Variants in ZC3H8 observed in about 807,000 individuals in gnomAD.
ZC3H8 encodes the protein zinc finger CCCH domain-containing protein 8.
In ZC3H8, 27 loss-of-function variants were observed where a neutral mutation model predicts 42.5. The observed-to-expected ratio is 0.64, with a 90% confidence interval of 0.47 to 0.88. The LOEUF is 0.88. Ranked by LOEUF, ZC3H8 falls within the 40% of genes least tolerant of loss-of-function variation. The pLI, the probability that ZC3H8 is intolerant of heterozygous loss-of-function variation, is 0.00. For synonymous variants in ZC3H8, 101 were observed against 110.1 expected, an observed-to-expected ratio of 0.92 and a Z score of 0.52; for missense variants, 277 against 336.1, an observed-to-expected ratio of 0.82 and a Z score of 1.37.
intron 2 of ZC3H8, among the ~76,000 whole-genome samples, chr2:112,243,582 G>C (rs915161926): frequency 6.9e-6 from 1 of 144,972 alleles, no homozygotes; most frequent in Non-Finnish European, 1.5e-5. Flanking sequence ...ACCTCACAAA[G>C]AAGAATCCCA....
intron 8 of ZC3H8, among the ~76,000 whole-genome samples, chr2:112,216,911 G>T (rs1684351962): frequency 6.6e-6 from 1 of 152,064 alleles, no homozygotes. Context: ...AAGAAACACA[G>T]TAACAATAAA....
chr2:112,236,442 C>T (rs1573910010), intron 4 of ZC3H8, 120 bp downstream of exon 4: 2 of 1,372,308 alleles, frequency 1.5e-6, no homozygotes, highest in African/African-American at 1.5e-5. Flanking sequence ...CATCCGAAAA[C>T]CGATTCTGTG....
At chr2:112,245,568 C>T (rs536265638) in intron 2 of ZC3H8, among the ~76,000 whole-genome samples, 1 of 152,170 alleles carries the variant, frequency 6.6e-6, no homozygotes, top group Non-Finnish European at 1.5e-5. Context: ...GCAGGAGAAT[C>T]GCTTGAACCC....
chr2:112,245,368 G>T (rs913448672), intron 2 of ZC3H8, among the ~76,000 whole-genome samples: 1 of 152,164 alleles, frequency 6.6e-6, no homozygotes, highest in African/African-American at 2.4e-5. Context: ...AAAAGTGCAT[G>T]ACAGGCCAGG....
chr2:112,248,750 A>T (rs1685845413), intron 2 of ZC3H8, among the ~76,000 whole-genome samples: 1 of 152,126 alleles, frequency 6.6e-6, no homozygotes, highest in African/African-American at 2.4e-5. Context: ...TTATGGGTTG[A>T]ACTGCACCCT....
At chr2:112,234,304 A>G in intron 4 of ZC3H8, 68 bp from the exon 5 acceptor site, 1 of 1,249,982 alleles carries the variant, frequency 8.0e-7, no homozygotes, top group Non-Finnish European at 1.1e-6. Context: ...TCTGTTGCAC[A>G]AAATTATTTA....
At chr2:112,232,357 T>C (rs1685134492) in intron 6 of ZC3H8, among the ~76,000 whole-genome samples, 2 of 149,448 alleles carry the variant, frequency 1.3e-5, no homozygotes, top group African/African-American at 4.9e-5. Flanking sequence ...TAGCAGAAAC[T>C]GGATTTCTCT....
At chr2:112,248,553 T>C (rs1435358402) in intron 2 of ZC3H8, among the ~76,000 whole-genome samples, 1 of 151,996 alleles carries the variant, frequency 6.6e-6, no homozygotes, top group Non-Finnish European at 1.5e-5. Flanking sequence ...TGCAATGGCA[T>C]GATATCGGCT....
chr2:112,252,529 C>G (rs1685986193), intron 1 of ZC3H8, among the ~76,000 whole-genome samples: 1 of 152,232 alleles, frequency 6.6e-6, no homozygotes, highest in Admixed American at 6.5e-5. Flanking sequence ...GAAAAACCCT[C>G]CAATGGTCTC....
Position 112,215,722 on chromosome 2 carries a change from T to G in ZC3H8, c.*762A>C, listed in dbSNP as rs1410771498. On this transcript the variant is annotated 3_prime_UTR_variant, in exon 9 of 9. Transcript: ENST00000409573. ...ATTATTTGTACTTGGAACATTAGTA[T>G]TTGAATCTTGTGTTAATGATACCAT... The G allele has an allele frequency of 6.6e-6, 1 of 152,166 alleles. No homozygotes were observed. Among genetic ancestry groups the G allele is most frequent in the African/African-American group, 2.4e-5 (1 of 41,456 alleles). The allele number at this position is 152,166 out of a possible 1,614,324, so 9.4% of individuals were successfully genotyped here. A position where few individuals can be genotyped will look rare whatever the true frequency, so the allele number is the denominator to read the frequency against.
intron 2 of ZC3H8, among the ~76,000 whole-genome samples, chr2:112,243,265 T>C (rs1461509874): frequency 6.6e-6 from 1 of 152,228 alleles, no homozygotes; most frequent in Non-Finnish European, 1.5e-5. Flanking sequence ...CATTTAACTA[T>C]GCAACTGAGG....
intron 8 of ZC3H8, among the ~76,000 whole-genome samples, chr2:112,227,193 T>C (rs767609085): frequency 5.9e-5 from 9 of 152,312 alleles, no homozygotes; most frequent in Non-Finnish European, 1.0e-4. Flanking sequence ...GCCAGTGAAA[T>C]CAGGCACAAA....
chr2:112,232,242 G>A (rs548818049), intron 6 of ZC3H8, among the ~76,000 whole-genome samples: 6 of 151,482 alleles, frequency 4.0e-5, no homozygotes, highest in Non-Finnish European at 8.8e-5. Context: ...TTTGAACCTG[G>A]GAGGCGGAGG....
chr2:112,232,127 T>C (rs1685120270), intron 6 of ZC3H8, among the ~76,000 whole-genome samples, 180 bp from the exon 7 acceptor site: 2 of 152,206 alleles, frequency 1.3e-5, no homozygotes, highest in Admixed American at 1.3e-4. Context: ...CTAGCCAACA[T>C]GGCGAAACCT....
At chr2:112,217,440 T>C (rs910066403) in intron 8 of ZC3H8, among the ~76,000 whole-genome samples, 2 of 152,210 alleles carry the variant, frequency 1.3e-5, no homozygotes, top group Non-Finnish European at 2.9e-5. Context: ...CAAGTTGCAG[T>C]ATAAAATGTG....
chr2:112,254,238 G>T, intron 1 of ZC3H8: 2 of 827,996 alleles, frequency 2.4e-6, no homozygotes, highest in Non-Finnish European at 2.9e-6. Flanking sequence ...GAACAAAGAT[G>T]GTGGTTTTTA....
intron 2 of ZC3H8, among the ~76,000 whole-genome samples, chr2:112,249,696 G>A (rs1046841159): frequency 2.0e-4 from 30 of 151,950 alleles, no homozygotes; most frequent in Non-Finnish European, 8.8e-5. Flanking sequence ...CATCCACCTC[G>A]GCCTCCCAAA....
At chr2:112,240,180 G>C (rs1397608084) in intron 2 of ZC3H8, among the ~76,000 whole-genome samples, 2 of 152,138 alleles carry the variant, frequency 1.3e-5, no homozygotes, top group East Asian at 1.9e-4. Context: ...GATAGATCAG[G>C]GGTTGGCAAA....
Position 112,216,722 on chromosome 2 carries a change from C to T in ZC3H8, c.*16-254G>A, listed in dbSNP as rs148812666. ...ATACAAATAATGAGACAAGAGTTGA[C>T]TAACCTCAGACATGGCAAACAAGAA... is the stretch of plus-strand genomic sequence containing the variant. On this transcript the variant is annotated intron_variant, in intron 8 of 8. Transcript: ENST00000409573. 3.3e-4 allele frequency among the ~76,000 whole-genome samples: 48 copies of T among 146,984 alleles called. No homozygotes were observed. The East Asian group carries it at 8.5e-3, about 26-fold the overall frequency.
Sources: allele counts gnomAD v4.1 joint callset (sites outside exome capture counted in the v4.1 genomes callset), GRCh38; gene constraint gnomAD v4.1.1; transcripts MANE v1.5; gene names NCBI Gene and HGNC (gene_info 2026-07-23, HGNC 2026-07-21).